Variants in ADAMTS19 observed in about 807,000 individuals in gnomAD.
ADAMTS19 encodes ADAM metallopeptidase with thrombospondin type 1 motif 19, also known as A disintegrin and metalloproteinase with thrombospondin motifs 19.
In ADAMTS19, 93 loss-of-function variants were observed where a neutral mutation model predicts 153.3. That is an observed-to-expected ratio of 0.61 (90% confidence interval 0.51 to 0.72). The LOEUF is 0.72. ADAMTS19 is among the 30% of genes least tolerant of loss of function. The pLI, the probability that ADAMTS19 is intolerant of heterozygous loss-of-function variation, is 0.00. For missense variants in ADAMTS19, 1,482 were observed against 1,552.1 expected (o/e 0.95, Z 0.76); for synonymous variants, 600 against 556.6 (o/e 1.08, Z -1.10).
intron 8 of ADAMTS19, among the ~76,000 whole-genome samples, chr5:129,608,099 T>TGTGTGTGTGTGTGG: frequency 1.6e-5 from 1 of 62,390 alleles, no homozygotes; most frequent in Middle Eastern, 6.3e-3. Context: ...TATGTGTGTG[T>TGTGTGTGTGTGTGG]GTGTGTGTGT....
At position 129,461,777 on chromosome 5, in the gene ADAMTS19, A is replaced by G. The variant is rs1749680239; in HGVS notation, c.747+20A>G. 1 of 1,474,782 alleles carries G rather than the reference A, an allele frequency of 6.8e-7. No homozygotes were observed. The allele number at this position is 1,474,782 out of a possible 1,614,324, so 91.4% of individuals were successfully genotyped here. A position where few individuals can be genotyped will look rare whatever the true frequency, so the allele number is the denominator to read the frequency against. On this transcript the variant is annotated intron_variant, in intron 2 of 22. Coordinates refer to ENST00000274487, the MANE Select transcript of ADAMTS19 (RefSeq NM_133638.6). This position sits in a 1 kb window ranked among gnomAD's most constrained non-coding sequence, Gnocchi z 4.6. ...GGCCTGGTAAGCGCCTTCTTTCCCTAGCTCTCCATTTTCCCCTGCTGCTCC... is the reference window on the plus strand; with the variant it reads ...GGCCTGGTAAGCGCCTTCTTTCCCTGGCTCTCCATTTTCCCCTGCTGCTCC...
At position 129,684,499 on chromosome 5, in the gene ADAMTS19, GCATTA is replaced by G. The variant is rs5871363; in HGVS notation, c.2818+265_2818+269del. ...ACATATCTCAATATGACTACTCTTT[GCATTA>G]CATTACATTACATTACATTACATTA... is the stretch of plus-strand genomic sequence containing the variant. On this transcript the variant is annotated intron_variant, in intron 18 of 22. Coordinates refer to ENST00000274487, the MANE Select transcript of ADAMTS19 (RefSeq NM_133638.6). 4.8e-3 allele frequency among the ~76,000 whole-genome samples: 640 copies of G among 132,660 alleles called. 6 individuals carry two copies. The highest frequency in any genetic ancestry group is 9.4e-3 in the Admixed American group (125 of 13,354). 87.0% of individuals were successfully genotyped at this position (132,660 alleles called of 152,430 possible).
chr5:129,600,745 TA>T (rs1322465879), intron 8 of ADAMTS19, among the ~76,000 whole-genome samples: 4 of 152,100 alleles, frequency 2.6e-5, no homozygotes, highest in African/African-American at 9.7e-5. Context: ...TATAAATATA[TA>T]AAAAAGTGTA....
intron 8 of ADAMTS19, among the ~76,000 whole-genome samples, chr5:129,615,881 TAC>T (rs1158956321): frequency 6.6e-6 from 1 of 151,990 alleles, no homozygotes; most frequent in Non-Finnish European, 1.5e-5. Context: ...CAGTAGATAA[TAC>T]ACTCTTTGAA....
At chr5:129,669,927 G>C (rs1754228332) in intron 16 of ADAMTS19, among the ~76,000 whole-genome samples, 1 of 151,960 alleles carries the variant, frequency 6.6e-6, no homozygotes, top group South Asian at 2.1e-4. Flanking sequence ...GGTCAGAGAA[G>C]ATATTTTGTA....
chr5:129,689,627 A>T (rs1755243542), intron 18 of ADAMTS19, among the ~76,000 whole-genome samples: 1 of 151,894 alleles, frequency 6.6e-6, no homozygotes, highest in Non-Finnish European at 1.5e-5. Flanking sequence ...GGGTTTCACC[A>T]TGTTGGTCAG....
At chr5:129,672,538 G>A (rs1754350145) in intron 16 of ADAMTS19, among the ~76,000 whole-genome samples, 1 of 152,102 alleles carries the variant, frequency 6.6e-6, no homozygotes, top group Non-Finnish European at 1.5e-5. Flanking sequence ...AGCTCTAGTA[G>A]GAGAGCCCTG....
At chr5:129,642,623 A>G (rs1752842867) in intron 11 of ADAMTS19, among the ~76,000 whole-genome samples, 1 of 152,206 alleles carries the variant, frequency 6.6e-6, no homozygotes, top group Admixed American at 6.5e-5. Flanking sequence ...ATAATTTTCT[A>G]ATTTGCATAC....
At chr5:129,563,124 A>G (rs1301150071) in intron 7 of ADAMTS19, among the ~76,000 whole-genome samples, 1 of 152,094 alleles carries the variant, frequency 6.6e-6, no homozygotes, top group Non-Finnish European at 1.5e-5. Flanking sequence ...TTCATACCAC[A>G]TTTCAGCAGA....
rs183313654 is a variant in ADAMTS19, at chr5:129,603,657, C to T, written c.1478+6993C>T. ...AATATACCTATTAATAGCATAATCC[C>T]GTGACCATTTTCTGACCTTGCTAAA... On this transcript the variant is annotated intron_variant, in intron 8 of 22. Transcript: ENST00000274487. Among the ~76,000 whole-genome samples the T allele has an allele frequency of 5.3e-5, 8 of 152,178 alleles. No homozygotes were observed. The East Asian group carries it at 1.4e-3, about 26-fold the overall frequency.
chr5:129,539,955 C>A (rs1393268833), intron 6 of ADAMTS19, among the ~76,000 whole-genome samples: 1 of 151,830 alleles, frequency 6.6e-6, no homozygotes, highest in Non-Finnish European at 1.5e-5. Flanking sequence ...TGACCTAGTA[C>A]CATTTGGTTA....
intron 3 of ADAMTS19, 78 bp downstream of exon 3, chr5:129,509,320 T>C (rs966591393): frequency 1.6e-6 from 2 of 1,215,008 alleles, no homozygotes; most frequent in Non-Finnish European, 2.3e-6. Context: ...CTCTCGTCTA[T>C]TTACTAGCTT....
chr5:129,608,104 G>GTA (rs1751004111), intron 8 of ADAMTS19, among the ~76,000 whole-genome samples: 1 of 43,176 alleles, frequency 2.3e-5, no homozygotes, highest in Non-Finnish European at 5.6e-5. Flanking sequence ...GTGTGTGTGT[G>GTA]TGTGTGTGTG....
intron 17 of ADAMTS19, among the ~76,000 whole-genome samples, chr5:129,682,780 T>TA (rs1390428889): frequency 6.6e-6 from 1 of 152,168 alleles, no homozygotes; most frequent in Non-Finnish European, 1.5e-5. Context: ...TTTGTGAACT[T>TA]AAAATTATTG....
chr5:129,714,171 G>C (rs1177127142), intron 21 of ADAMTS19, among the ~76,000 whole-genome samples: 5 of 152,146 alleles, frequency 3.3e-5, no homozygotes, highest in African/African-American at 7.2e-5. Flanking sequence ...TGTAATCCCA[G>C]CACTTTGGGA....
chr5:129,587,184 A>G (rs1055061108), intron 7 of ADAMTS19, among the ~76,000 whole-genome samples: 1 of 152,056 alleles, frequency 6.6e-6, no homozygotes, highest in African/African-American at 2.4e-5. Context: ...TAATCTACTG[A>G]TTATAATCTA....
At chr5:129,616,549 G>A (rs889723993) in intron 8 of ADAMTS19, among the ~76,000 whole-genome samples, 1 of 151,974 alleles carries the variant, frequency 6.6e-6, no homozygotes, top group African/African-American at 2.4e-5. Flanking sequence ...TGCTTCTCCA[G>A]CTTTCCGCAG....
intron 2 of ADAMTS19, among the ~76,000 whole-genome samples, chr5:129,493,098 G>T (rs1750819844): frequency 6.6e-6 from 1 of 152,176 alleles, no homozygotes; most frequent in African/African-American, 2.4e-5. Flanking sequence ...ATTACAAGAA[G>T]TGTAATTTGT....
chr5:129,568,545 C>T (rs1278483255), intron 7 of ADAMTS19, among the ~76,000 whole-genome samples: 1 of 152,094 alleles, frequency 6.6e-6, no homozygotes, highest in Non-Finnish European at 1.5e-5. Flanking sequence ...ATACACTGGG[C>T]ATGGTCACTC....
Sources: gnomAD v4.1 joint callset for allele counts (sites outside exome capture counted in the v4.1 genomes callset) on GRCh38, gnomAD v4.1.1 for gene constraint, Gnocchi (gnomAD v3.1) non-coding constraint, MANE v1.5 for transcripts, NCBI Gene and HGNC (gene_info 2026-07-23, HGNC 2026-07-21) for gene names.